LAMA1: variants seen among roughly 807,000 people sequenced by gnomAD.
LAMA1 encodes laminin subunit alpha 1.
In LAMA1, 219 loss-of-function variants were observed where a neutral mutation model predicts 348.7. The ratio of observed to expected loss-of-function variants is 0.63; its 90% confidence interval spans 0.56 to 0.70. The LOEUF (loss-of-function observed/expected upper bound fraction) is 0.70. Ranked by LOEUF, LAMA1 falls within the 30% of genes least tolerant of loss-of-function variation. The pLI is 0.00. For synonymous variants in LAMA1, 1,487 were observed against 1,491.0 expected (o/e 1.00, Z 0.06); for missense variants, 3,744 against 3,888.0 (o/e 0.96, Z 0.99).
intron 1 of LAMA1, among the ~76,000 whole-genome samples, chr18:7,108,555 C>T (rs571220991): frequency 8.1e-5 from 11 of 135,696 alleles, no homozygotes; most frequent in Non-Finnish European, 1.4e-4. Context: ...ACTCAGGAGG[C>T]TGAGGCAAGA....
chr18:7,036,792 T>C (rs1254313666), intron 12 of LAMA1, among the ~76,000 whole-genome samples: 1 of 152,148 alleles, frequency 6.6e-6, no homozygotes, highest in Non-Finnish European at 1.5e-5. Context: ...TATCATCAAA[T>C]TAAATAGAAG....
chr18:7,080,299 C>T lies in LAMA1; in HGVS notation c.220G>A (p.Ala74Thr), dbSNP rs367866675. ...GCGCGACACTTGCCTCTGGGGTTTG[C>T]GCTGTTGCCATCACAGATCCGGCAC... ...PQCRICDGNS[A>T]NPRERHPISH... The change falls in exon 2 of 63, where the codon GCA (alanine) becomes ACA (threonine). Residue 74 changes from alanine to threonine, a missense_variant. Ala to Thr is a moderately conservative substitution (Grantham distance 58). Transcript: ENST00000389658. 35 of 1,614,086 alleles carry T rather than the reference C, an allele frequency of 2.2e-5. No homozygotes were observed. The highest frequency in any genetic ancestry group is 4.5e-5 in the East Asian group (2 of 44,902).
At chr18:6,959,542 A>G (rs746658621) in intron 53 of LAMA1, 50 bp from the exon 54 acceptor site, 8 of 1,601,510 alleles carry the variant, frequency 5.0e-6, no homozygotes, top group Non-Finnish European at 6.8e-6. Context: ...TTACTATATG[A>G]TTTAGAAAAC....
intron 3 of LAMA1, among the ~76,000 whole-genome samples, chr18:7,061,964 T>G (rs903696805): frequency 1.3e-5 from 2 of 152,098 alleles, no homozygotes; most frequent in Non-Finnish European, 2.9e-5. Context: ...TGCTCCTCCC[T>G]TGAGGACAGG....
intron 3 of LAMA1, among the ~76,000 whole-genome samples, chr18:7,077,719 C>T (rs1361643485): frequency 1.3e-5 from 2 of 152,020 alleles, no homozygotes; most frequent in Non-Finnish European, 2.9e-5. Context: ...TAATAATGAA[C>T]ACAGTTTTAC....
Position 7,117,772 on chromosome 18 carries a change from T to C in LAMA1, c.-52A>G, listed in dbSNP as rs757604173. On this transcript the variant is annotated 5_prime_UTR_variant, in exon 1 of 63. Coordinates refer to ENST00000389658, the MANE Select transcript of LAMA1 (RefSeq NM_005559.4). ...CTGGGGAGAAAGCCGCGCGCCCGCCTGGAACGCTCCACGGGACGCGAGTCC... is the reference window on the plus strand; with the variant it reads ...CTGGGGAGAAAGCCGCGCGCCCGCCCGGAACGCTCCACGGGACGCGAGTCC... 2.0e-6 allele frequency: 3 copies of C among 1,534,592 alleles called. No individual in the cohort carries two copies. The highest frequency in any genetic ancestry group is 2.6e-6 in the Non-Finnish European group (3 of 1,133,546).
intron 3 of LAMA1, among the ~76,000 whole-genome samples, chr18:7,068,395 G>A (rs9961543): frequency 0.023 from 3,478 of 152,248 alleles, 133 homozygotes; most frequent in African/African-American, 0.076. Flanking sequence ...AGGGCTTAAT[G>A]TGAATCCGAT....
chr18:7,088,911 G>A (rs1297492357), intron 1 of LAMA1, among the ~76,000 whole-genome samples: 2 of 152,092 alleles, frequency 1.3e-5, no homozygotes, highest in Non-Finnish European at 2.9e-5. Flanking sequence ...GGAGACTGAG[G>A]CAAGAGGATC....
Position 6,999,567 on chromosome 18 carries a change from T to C in LAMA1, c.4541A>G (p.His1514Arg), listed in dbSNP as rs772874811. 7.4e-6 allele frequency: 12 copies of C among 1,614,064 alleles called. No homozygotes were observed. Among genetic ancestry groups the C allele is most frequent in the Non-Finnish European group, 1.0e-5 (12 of 1,179,992 alleles). ...GTCACAGTCACCGTGGACAGAGCCGTGCGGGTTGCAGTCACACTTCTGGCA... is the reference window on the plus strand; with the variant it reads ...GTCACAGTCACCGTGGACAGAGCCGCGCGGGTTGCAGTCACACTTCTGGCA... ...GSCQKCDCNP[H>R]GSVHGDCDRT... The change falls in exon 32 of 63, where the codon CAC becomes CGC. Residue 1514 changes from histidine (H) to arginine (R), a missense_variant. His to Arg is a conservative substitution (Grantham distance 29). This residue lies in a region of LAMA1 where 1,983 missense variants were observed against 1,934.3 expected (regional missense o/e 1.03). Transcript: ENST00000389658.
chr18:7,007,155 T>C lies in LAMA1; in HGVS notation c.4244A>G (p.Asn1415Ser), dbSNP rs1271114237. 1.2e-6 allele frequency: 2 copies of C among 1,614,020 alleles called. No homozygotes were observed. Among genetic ancestry groups the C allele is most frequent in the African/African-American group, 1.3e-5 (1 of 75,014 alleles). ...CNNHSDTCDP[N>S]TGKCLNCGDN... The stretch of plus-strand genomic sequence containing the variant: ...CCAGCATACCAGACACTTCCCGGTG[T>C]TGGGGTCACAGGTGTCACTGTGGTT... The change falls in exon 29 of 63, where the codon AAC (asparagine) becomes AGC (serine). Residue 1415 changes from asparagine (N) to serine (S), a missense_variant. Coordinates refer to ENST00000389658, the MANE Select transcript of LAMA1 (RefSeq NM_005559.4).
At chr18:7,018,812 T>C (rs1351486700) in intron 19 of LAMA1, among the ~76,000 whole-genome samples, 5 of 152,128 alleles carry the variant, frequency 3.3e-5, no homozygotes, top group Non-Finnish European at 5.9e-5. Context: ...AAACACGACC[T>C]GGAGGCTGCA....
intron 16 of LAMA1, among the ~76,000 whole-genome samples, chr18:7,027,134 G>C (rs994675936): frequency 6.6e-6 from 1 of 152,188 alleles, no homozygotes; most frequent in Non-Finnish European, 1.5e-5. Context: ...CTGGAGGGAA[G>C]GATGCTATAC....
Position 6,950,892 on chromosome 18 carries a change from A to G in LAMA1, c.8287T>C (p.Tyr2763His). Reference protein sequence around the residue: ...YYMAHQNQADYAVLQLHGGRL... With the variant: ...YYMAHQNQADHAVLQLHGGRL... Reference sequence around the variant, plus strand: ...CCCCCGTGCAGCTGGAGCACAGCGTAGTCTGCTTGGTTCTGATGAGCCATG... The same window carrying G: ...CCCCCGTGCAGCTGGAGCACAGCGTGGTCTGCTTGGTTCTGATGAGCCATG... The change falls in exon 58 of 63, where the codon TAC becomes CAC. Residue 2763 changes from tyrosine to histidine, a missense_variant. By Grantham distance (83) the Tyr-to-His change is moderately conservative (BLOSUM62 2). Around this residue, in one of 3 missense-constraint regions of LAMA1, gnomAD observed 1,983 missense variants for 1,934.3 expected, o/e 1.03. Transcript: ENST00000389658. 1 of 1,614,192 alleles carries G rather than the reference A, an allele frequency of 6.2e-7. No individual in the cohort carries two copies. Among genetic ancestry groups the G allele is most frequent in the Non-Finnish European group, 8.5e-7 (1 of 1,180,026 alleles).
In LAMA1 at chr18:6,999,638, C is replaced by T. The variant is rs1262523071; in HGVS notation, c.4470G>A (p.Arg1490=). The T allele has an allele frequency of 6.2e-7, 1 of 1,608,716 alleles. No homozygotes were observed. The highest frequency in any genetic ancestry group is 8.5e-7 in the Non-Finnish European group (1 of 1,177,526). ...GGTTCCCATAATAGCTTGAGGAGCACCTACAGAAAGGAAGGGACATAGGTG... is the reference window on the plus strand; with the variant it reads ...GGTTCCCATAATAGCTTGAGGAGCATCTACAGAAAGGAAGGGACATAGGTG... The part of the protein sequence containing the change: ...LLGYEGKHCE[R]CSSSYYGNPQ... Residue 1490 remains arginine (R), a splice_region_variant and synonymous_variant, in exon 32 of 63, where the codon AGG becomes AGA. Transcript: ENST00000389658.
intron 5 of LAMA1, among the ~76,000 whole-genome samples, chr18:7,047,627 C>A (rs534278331): frequency 1.3e-5 from 2 of 151,762 alleles, no homozygotes; most frequent in Non-Finnish European, 2.9e-5. Context: ...AGAAACCTGA[C>A]CTCTCAAGAC....
rs746735045 is a variant in LAMA1, at chr18:7,037,561, T to C, written c.1737+17A>G. 1 of 1,613,790 alleles carries C rather than the reference T, an allele frequency of 6.2e-7. No homozygotes were observed. Among genetic ancestry groups the C allele is most frequent in the South Asian group, 1.1e-5 (1 of 91,068 alleles). ...GATCTTCATCTGAGACATCGCTACC[T>C]GCAGGGTCACACGCACCTTATTTCC... On this transcript the variant is annotated intron_variant, in intron 12 of 62. Coordinates refer to ENST00000389658, the MANE Select transcript of LAMA1 (RefSeq NM_005559.4).
rs747217103 is a variant in LAMA1 at position 6,955,445 on chromosome 18, T to C, written c.8115A>G (p.Ala2705=). 5.6e-6 allele frequency: 9 copies of C among 1,614,052 alleles called. No homozygotes were observed. Among genetic ancestry groups the C allele is most frequent in the African/African-American group, 4.0e-5 (3 of 75,038 alleles). The change falls in exon 57 of 63, where the codon GCA becomes GCG. Residue 2705 remains alanine (A), a synonymous_variant. Coordinates refer to ENST00000389658, the MANE Select transcript of LAMA1 (RefSeq NM_005559.4). The part of the protein sequence containing the change: ...RAFPEQCVVD[A]ALEYVPGAHQ... ...GAGCGCCGGGAACGTACTCCAGAGC[T>C]GCATCCACCACACACTGTTCCTGTA...
chr18:6,990,481 G>A (rs964607366), intron 36 of LAMA1, among the ~76,000 whole-genome samples: 2 of 152,134 alleles, frequency 1.3e-5, no homozygotes, highest in African/African-American at 4.8e-5. Context: ...CCCCACCCAG[G>A]GGCATCGCCT....
chr18:6,966,954 GC>G (rs1158982775), intron 48 of LAMA1, among the ~76,000 whole-genome samples: 2 of 152,120 alleles, frequency 1.3e-5, no homozygotes, highest in African/African-American at 4.8e-5. Flanking sequence ...CAATCGCAAA[GC>G]CATTCATCTG....
Sources: allele counts gnomAD v4.1 joint callset (sites outside exome capture counted in the v4.1 genomes callset), GRCh38; gene constraint gnomAD v4.1.1; regional missense constraint gnomAD v4.1.1; transcripts MANE v1.5; gene names NCBI Gene and HGNC (gene_info 2026-07-23, HGNC 2026-07-21).